DMTF1: variants seen among roughly 807,000 people sequenced by gnomAD.
DMTF1 encodes cyclin D binding myb like transcription factor 1, also known as cyclin-D-binding Myb-like transcription factor 1.
Under a neutral mutation model 91.1 loss-of-function variants are expected in DMTF1, and 39 were observed. The observed-to-expected ratio is 0.43, with a 90% confidence interval of 0.33 to 0.56. The LOEUF (loss-of-function observed/expected upper bound fraction) is 0.56. Among genes scored for constraint, DMTF1 ranks in the 20% least tolerant of loss-of-function variants. The probability of loss-of-function intolerance (pLI) is 0.05; values close to 1 mark genes in which losing one functional copy is unlikely to be tolerated. For synonymous variants in DMTF1, 338 were observed against 309.5 expected (o/e 1.09, Z -0.97); for missense variants, 750 against 914.5 (o/e 0.82, Z 2.32).
At chr7:87,194,906 GTCTT>G (rs1352203960) in intron 17 of DMTF1, 78 bp downstream of exon 17, 16 of 1,502,130 alleles carry the variant, frequency 1.1e-5, no homozygotes, top group South Asian at 1.2e-5. Flanking sequence ...ACTTGTTTCA[GTCTT>G]TCTTGATCCA....
At chr7:87,158,577 C>G (rs1335211513) in intron 1 of DMTF1, among the ~76,000 whole-genome samples, 2 of 151,926 alleles carry the variant, frequency 1.3e-5, no homozygotes, top group Non-Finnish European at 2.9e-5. Flanking sequence ...ATTCTTGATG[C>G]AGAACATGAT....
chr7:87,184,737 C>T lies in DMTF1; in HGVS notation c.1049+112C>T, dbSNP rs939187859. 7 of 848,108 alleles carry T rather than the reference C, an allele frequency of 8.3e-6. No homozygotes were observed. The African/African-American group carries it at 1.2e-4, about 14-fold the overall frequency. The allele number at this position is 848,108 out of a possible 1,614,324, so 52.5% of individuals were successfully genotyped here. A position where few individuals can be genotyped will look rare whatever the true frequency, so the allele number is the denominator to read the frequency against. ...GCCTAGTGTCTGAAAAGTATCCTTT[C>T]CATAGAGCACTACTGTTTAAGATCT... On this transcript the variant is annotated intron_variant, in intron 11 of 17. Transcript: ENST00000331242.
chr7:87,154,170 A>C (rs1016377184), intron 1 of DMTF1: 1 of 152,244 alleles, frequency 6.6e-6, no homozygotes, highest in Non-Finnish European at 1.5e-5. Context: ...ACGTTACAAA[A>C]ATTGTCATGC....
Position 87,184,441 on chromosome 7 carries a change from C to T in DMTF1, c.865C>T (p.His289Tyr). 6.2e-7 allele frequency: 1 copy of T among 1,613,908 alleles called. No homozygotes were observed. Among genetic ancestry groups the T allele is most frequent in the East Asian group, 2.2e-5 (1 of 44,848 alleles). Residue 289 changes from histidine (H) to tyrosine (Y), a missense_variant, in exon 11 of 18, where the codon CAT (histidine) becomes TAT (tyrosine). This residue lies in a region of DMTF1 where 190 missense variants were observed against 343.8 expected (regional missense o/e 0.55). Coordinates refer to ENST00000331242, the MANE Select transcript of DMTF1 (RefSeq NM_001142327.2). ...AGAAAAGAGACTTGCAGAAGTGGTTCATGAGTTGACAAGCACTGAGCCAGG... is the reference window on the plus strand; with the variant it reads ...AGAAAAGAGACTTGCAGAAGTGGTTTATGAGTTGACAAGCACTGAGCCAGG... Reference protein sequence around the residue: ...EEEKRLAEVVHELTSTEPGDI... With the variant: ...EEEKRLAEVVYELTSTEPGDI...
rs1335367146 is a variant in DMTF1, at chr7:87,159,836, A to G, written c.-131-3659A>G. On this transcript the variant is annotated intron_variant, in intron 1 of 17. Transcript: ENST00000331242. ...TTAACACAATGGCAAGTATTTGTGT[A>G]TCTAAACATATCTAAATATAGAAAA... Among the ~76,000 whole-genome samples the G allele has an allele frequency of 2.0e-5, 3 of 152,256 alleles. No homozygotes were observed. In the East Asian group the frequency reaches 5.8e-4, roughly 29 times the overall value.
intron 1 of DMTF1, among the ~76,000 whole-genome samples, chr7:87,160,059 G>C (rs1425737916): frequency 6.6e-6 from 1 of 152,032 alleles, no homozygotes; most frequent in Non-Finnish European, 1.5e-5. Context: ...GTTAACCATA[G>C]GTTCATGTAT....
intron 10 of DMTF1, among the ~76,000 whole-genome samples, chr7:87,183,045 A>G (rs1223768390): frequency 6.6e-6 from 1 of 152,142 alleles, no homozygotes; most frequent in Non-Finnish European, 1.5e-5. Context: ...TTTAGCCATA[A>G]TGTTCTCTGA....
chr7:87,165,933 G>A (rs1793720433), intron 3 of DMTF1, among the ~76,000 whole-genome samples: 1 of 152,146 alleles, frequency 6.6e-6, no homozygotes, highest in Non-Finnish European at 1.5e-5. Flanking sequence ...CATCTAGGTA[G>A]CTCTAATACC....
intron 11 of DMTF1, 150 bp from the exon 12 acceptor site, chr7:87,185,679 G>C: frequency 3.5e-6 from 3 of 848,184 alleles, no homozygotes; most frequent in East Asian, 5.3e-5. Context: ...CTGCACTCCT[G>C]GAATCCTTTC....
At chr7:87,190,905 T>G in intron 13 of DMTF1, 40 bp from the exon 14 acceptor site, 6 of 1,523,962 alleles carry the variant, frequency 3.9e-6, no homozygotes, top group Non-Finnish European at 5.4e-6. Flanking sequence ...ACATTTATTG[T>G]AAATTATTCT....
chr7:87,190,952 A>G lies in DMTF1; in HGVS notation c.1419A>G (p.Ala473=). 2.5e-6 allele frequency: 4 copies of G among 1,608,694 alleles called. No homozygotes were observed. Among genetic ancestry groups the G allele is most frequent in the African/African-American group, 1.3e-5 (1 of 74,760 alleles). The change falls in exon 14 of 18, where the codon GCA becomes GCG. Residue 473 remains alanine (A), a synonymous_variant. Coordinates refer to ENST00000331242, the MANE Select transcript of DMTF1 (RefSeq NM_001142327.2). Reference sequence around the variant, plus strand: ...ACCTTATTCTTACCACAGCTTCAGCAGACTCTCCTGCTACCGTTGACTCAG... The same window carrying G: ...ACCTTATTCTTACCACAGCTTCAGCGGACTCTCCTGCTACCGTTGACTCAG... ...IPVQITHVSS[A]DSPATVDSET... is the part of the protein sequence containing the mutation.
At chr7:87,194,874 G>GAA in intron 17 of DMTF1, 46 bp downstream of exon 17, 1 of 1,547,174 alleles carries the variant, frequency 6.5e-7, no homozygotes, top group Middle Eastern at 1.7e-4. Context: ...ATTTTAGATG[G>GAA]AAAAAAACAG....
chr7:87,185,431 A>G (rs1251608339), intron 11 of DMTF1, among the ~76,000 whole-genome samples: 1 of 152,006 alleles, frequency 6.6e-6, no homozygotes, highest in Non-Finnish European at 1.5e-5. Context: ...ATTTCTAAAT[A>G]TTTTTGCTTA....
Position 87,185,821 on chromosome 7 carries a change from A to C in DMTF1, c.1050-8A>C. On this transcript the variant is annotated splice_polypyrimidine_tract_variant and splice_region_variant and intron_variant, in intron 11 of 17. Transcript: ENST00000331242. The stretch of plus-strand genomic sequence containing the variant: ...TAATGTCTAACGATGCTTATTTTGT[A>C]ACTGTAGGATAGCAGAACTTGATGT... 2 of 1,613,614 alleles carry C rather than the reference A, an allele frequency of 1.2e-6. No individual in the cohort carries two copies. Among genetic ancestry groups the C allele is most frequent in the Non-Finnish European group, 1.7e-6 (2 of 1,179,644 alleles).
Position 87,193,234 on chromosome 7 carries a change from T to C in DMTF1, c.1531T>C (p.Tyr511His). 2 of 1,613,454 alleles carry C rather than the reference T, an allele frequency of 1.2e-6. No homozygotes were observed. Among genetic ancestry groups the C allele is most frequent in the Non-Finnish European group, 1.7e-6 (2 of 1,179,548 alleles). Residue 511 changes from tyrosine to histidine, a missense_variant, in exon 15 of 18, where the codon TAC (tyrosine) becomes CAC (histidine). Tyr to His is a moderately conservative substitution (Grantham distance 83). Coordinates refer to ENST00000331242, the MANE Select transcript of DMTF1 (RefSeq NM_001142327.2). ...ACAGCCCACTGGCACTCCAGGCACC[T>C]ACCTACTTCAAACAAGCTCAAGCCA... ...HLQPTGTPGT[Y>H]LLQTSSSQGL... is the part of the protein sequence containing the mutation.
chr7:87,155,249 A>G (rs1790367316), intron 1 of DMTF1, among the ~76,000 whole-genome samples: 1 of 152,226 alleles, frequency 6.6e-6, no homozygotes, highest in South Asian at 2.1e-4. Flanking sequence ...AAGCTTAGAA[A>G]GGAACAAAGT....
intron 7 of DMTF1, among the ~76,000 whole-genome samples, chr7:87,175,222 T>C (rs1796020341): frequency 6.6e-6 from 1 of 152,050 alleles, no homozygotes; most frequent in African/African-American, 2.4e-5. Context: ...GGTTTCACCA[T>C]GTTGGCCAGG....
At chr7:87,194,872 T>A in intron 17 of DMTF1, 44 bp downstream of exon 17, 1 of 1,563,888 alleles carries the variant, frequency 6.4e-7, no homozygotes, top group Middle Eastern at 1.7e-4. Context: ...AAATTTTAGA[T>A]GGAAAAAAAC....
intron 3 of DMTF1, among the ~76,000 whole-genome samples, chr7:87,165,281 AC>A (rs1562791296): frequency 3.3e-5 from 5 of 151,644 alleles, no homozygotes; most frequent in Non-Finnish European, 7.4e-5. Flanking sequence ...TATAATATAT[AC>A]TTCTTTTTTT....
Sources: allele counts gnomAD v4.1 joint callset (sites outside exome capture counted in the v4.1 genomes callset), GRCh38; gene constraint gnomAD v4.1.1; regional missense constraint gnomAD v4.1.1; transcripts MANE v1.5; gene names NCBI Gene and HGNC (gene_info 2026-07-23, HGNC 2026-07-21).